SMARCA2: variants seen among roughly 807,000 people sequenced by gnomAD.
The protein encoded by SMARCA2 is SWI/SNF related BAF chromatin remodeling complex subunit ATPase 2.
SMARCA2 carries 61 observed loss-of-function variants against 199.8 expected under a neutral mutation model. The observed-to-expected ratio is 0.31, with a 90% CI of 0.25 to 0.38. The LOEUF (loss-of-function observed/expected upper bound fraction) is 0.38, where lower values mean the gene tolerates loss of function less well. SMARCA2 is among the 10% of genes least tolerant of loss of function. The pLI, the probability that SMARCA2 is intolerant of heterozygous loss-of-function variation, is 1.00. For missense variants in SMARCA2, 1,344 were observed against 2,012.2 expected (o/e 0.67, Z 6.35); for synonymous variants, 935 against 732.0 (o/e 1.28, Z -4.48).
At chr9:2,099,897 A>G (rs1822435632) in intron 21 of SMARCA2, among the ~76,000 whole-genome samples, 3 of 152,182 alleles carry the variant, frequency 2.0e-5, no homozygotes, top group Admixed American at 1.3e-4. Flanking sequence ...GGTTTTGACA[A>G]TCCTGCTTGG....
In SMARCA2 at chr9:2,073,208, G is replaced by T. The variant is rs192789413; in HGVS notation, c.1747-4G>T. ...ACCGTGACATGATTTTCCCTCCTTT[G>T]TAGCCCATAGATGAGAGCAGCCAGA... On this transcript the variant is annotated splice_polypyrimidine_tract_variant and splice_region_variant and intron_variant, in intron 10 of 33. Coordinates refer to ENST00000349721, the MANE Select transcript of SMARCA2 (RefSeq NM_003070.5). 1.2e-6 allele frequency: 2 copies of T among 1,614,078 alleles called. No individual in the cohort carries two copies. Among genetic ancestry groups the T allele is most frequent in the African/African-American group, 2.7e-5 (2 of 75,030 alleles).
At position 2,056,184 on chromosome 9, in the gene SMARCA2, T is replaced by C. The variant is rs545778935; in HGVS notation, c.1174-488T>C. Among the ~76,000 whole-genome samples the C allele has an allele frequency of 2.4e-3, 361 of 152,366 alleles. 1 individual carries two copies. Among genetic ancestry groups the C allele is most frequent in the Middle Eastern group, 0.01 (3 of 294 alleles). ...GCCAAAACTCATATTTCCCATCCTT[T>C]GTATGAGACTATGAATTAACGTTGT... is the stretch of plus-strand genomic sequence containing the variant. On this transcript the variant is annotated intron_variant, in intron 6 of 33. Coordinates refer to ENST00000349721, the MANE Select transcript of SMARCA2 (RefSeq NM_003070.5). The surrounding 1 kb of genome is among the most constrained non-coding windows in gnomAD (Gnocchi z 4.0).
chr9:2,112,469 C>T (rs971986135), intron 24 of SMARCA2, among the ~76,000 whole-genome samples: 1 of 151,968 alleles, frequency 6.6e-6, no homozygotes, highest in Non-Finnish European at 1.5e-5. Context: ...TCCACCCCAC[C>T]CCGCCTCTCA....
At chr9:2,125,644 C>T (rs1823654524) in intron 27 of SMARCA2, among the ~76,000 whole-genome samples, 1 of 152,130 alleles carries the variant, frequency 6.6e-6, no homozygotes, top group Non-Finnish European at 1.5e-5. Flanking sequence ...CGCATACCAC[C>T]ATGCCCGGCT....
At chr9:2,155,720 C>CTTTTTTTTTTTTT (rs59156319) in intron 27 of SMARCA2, among the ~76,000 whole-genome samples, 3 of 53,152 alleles carry the variant, frequency 5.6e-5, no homozygotes, top group Non-Finnish European at 7.0e-5. Context: ...AAGAGAAAAC[C>CTTTTTTTTTTTTT]TTTTTTTTTT....
intron 28 of SMARCA2, among the ~76,000 whole-genome samples, chr9:2,165,154 G>A (rs1200156270): frequency 1.3e-5 from 2 of 152,168 alleles, no homozygotes; most frequent in Admixed American, 6.5e-5. Context: ...AATACCACCT[G>A]TGCTAACCTC....
At chr9:2,022,293 G>A (rs1818639604) in intron 1 of SMARCA2, among the ~76,000 whole-genome samples, 1 of 152,168 alleles carries the variant, frequency 6.6e-6, no homozygotes, top group Non-Finnish European at 1.5e-5. Flanking sequence ...GCATATAGTA[G>A]CTCACAAGGT....
intron 29 of SMARCA2, among the ~76,000 whole-genome samples, chr9:2,178,980 G>T (rs1042200346): frequency 6.6e-6 from 1 of 152,122 alleles, no homozygotes; most frequent in Non-Finnish European, 1.5e-5. Flanking sequence ...AGCAATGAGG[G>T]GACTGAGAGT....
In SMARCA2 at chr9:2,039,755, GCAGCAACAACAGCAGCAGCAA is replaced by G; in HGVS notation, c.651_671del (p.Gln232_Gln238del). ...AGGGGAAAAGGACGTTGCCTGGCTT[GCAGCAACAACAGCAGCAGCAA>G]CAGCAGCAGCAGCAGCAGCAGCAGC... On this transcript the variant is annotated inframe_deletion, in exon 4 of 34. Transcript: ENST00000349721. The surrounding 1 kb of genome is among the most constrained non-coding windows in gnomAD (Gnocchi z 4.8). 6.2e-7 allele frequency: 1 copy of G among 1,612,108 alleles called. No homozygotes were observed. The highest frequency in any genetic ancestry group is 8.5e-7 in the Non-Finnish European group (1 of 1,179,190).
rs777868389 is a variant in SMARCA2, at chr9:2,033,006, A to G, written c.280A>G (p.Met94Val). Residue 94 changes from methionine (M) to valine (V), a missense_variant, in exon 3 of 34, where the codon ATG becomes GTG. Physicochemically the swap from Met to Val is conservative, Grantham distance 21. This residue lies in a region of SMARCA2 where 275 missense variants were observed against 247.5 expected (regional missense o/e 1.11). Coordinates refer to ENST00000349721, the MANE Select transcript of SMARCA2 (RefSeq NM_003070.5). ...GIVEDIHCGS[M>V]KGTGMRPPHP... ...TGTAGAAGACATCCATTGTGGATCCATGAAGGGCACTGGTATGCGACCACC... is the reference window on the plus strand; with the variant it reads ...TGTAGAAGACATCCATTGTGGATCCGTGAAGGGCACTGGTATGCGACCACC... The G allele has an allele frequency of 6.2e-7, 1 of 1,614,084 alleles. No homozygotes were observed. Among genetic ancestry groups the G allele is most frequent in the Admixed American group, 1.7e-5 (1 of 60,026 alleles).
intron 19 of SMARCA2, among the ~76,000 whole-genome samples, chr9:2,094,867 TA>T (rs1423613531): frequency 6.6e-6 from 1 of 152,178 alleles, no homozygotes. Flanking sequence ...TGTTAAAGTC[TA>T]AAGTTGTTCA....
At chr9:2,163,957 CT>C (rs1825814659) in intron 28 of SMARCA2, among the ~76,000 whole-genome samples, 1 of 152,102 alleles carries the variant, frequency 6.6e-6, no homozygotes, top group African/African-American at 2.4e-5. Flanking sequence ...AAAAATTTCC[CT>C]CCCATCCCCC....
At chr9:2,087,212 G>C in intron 18 of SMARCA2, 141 bp downstream of exon 18, 1 of 998,628 alleles carries the variant, frequency 1.0e-6, no homozygotes, top group Non-Finnish European at 1.5e-6. Context: ...TCGGTGGGTG[G>C]ACATGGTCTT....
At chr9:2,141,836 C>G (rs1484604451) in intron 27 of SMARCA2, among the ~76,000 whole-genome samples, 1 of 152,142 alleles carries the variant, frequency 6.6e-6, no homozygotes. Context: ...GCCCCTTTGC[C>G]CACTGAGCTG....
intron 1 of SMARCA2, chr9:2,022,168 G>GT (rs1321458652): frequency 2.6e-5 from 4 of 152,212 alleles, no homozygotes; most frequent in African/African-American, 9.6e-5. Context: ...TGTCTCAGAA[G>GT]TTTTGAACAA....
At chr9:2,186,290 A>T in intron 32 of SMARCA2, 62 bp downstream of exon 32, 1 of 1,505,586 alleles carries the variant, frequency 6.6e-7, no homozygotes. Flanking sequence ...AGCTGTCTCC[A>T]CAGATGTTCA....
At chr9:2,046,894 A>G (rs1586644129) in intron 4 of SMARCA2, among the ~76,000 whole-genome samples, 1 of 152,148 alleles carries the variant, frequency 6.6e-6, no homozygotes, top group African/African-American at 2.4e-5. Context: ...TCCTTAATCA[A>G]TTGTATTAAG....
chr9:2,171,042 A>G (rs929239831), intron 29 of SMARCA2, among the ~76,000 whole-genome samples: 1 of 152,190 alleles, frequency 6.6e-6, no homozygotes, highest in African/African-American at 2.4e-5. Flanking sequence ...AGTCCCAAGC[A>G]TCTAAAGCCA....
intron 12 of SMARCA2, 135 bp from the exon 13 acceptor site, chr9:2,076,094 T>G (rs1821312798): frequency 1.6e-6 from 1 of 626,538 alleles, no homozygotes; most frequent in Admixed American, 2.9e-5. Context: ...ATGTTACATT[T>G]ACTTCCTCCC....
Sources: allele counts gnomAD v4.1 joint callset (sites outside exome capture counted in the v4.1 genomes callset), GRCh38; gene constraint gnomAD v4.1.1; regional missense constraint gnomAD v4.1.1; non-coding constraint Gnocchi (gnomAD v3.1); transcripts MANE v1.5; gene names NCBI Gene and HGNC (gene_info 2026-07-23, HGNC 2026-07-21).